AKAP6: variants seen among roughly 807,000 people sequenced by gnomAD.
AKAP6 encodes the protein A-kinase anchoring protein 6.
Under a neutral mutation model 188.5 loss-of-function variants are expected in AKAP6, and 58 were observed. That is an observed-to-expected ratio of 0.31 (90% confidence interval 0.25 to 0.38). The LOEUF is 0.38. AKAP6 is among the 10% of genes least tolerant of loss of function. The probability of loss-of-function intolerance (pLI) is 1.00; values close to 1 mark genes in which losing one functional copy is unlikely to be tolerated. For synonymous variants in AKAP6, 989 were observed against 998.6 expected, an observed-to-expected ratio of 0.99 and a Z score of 0.18; for missense variants, 2,710 against 2,740.0, an observed-to-expected ratio of 0.99 and a Z score of 0.24.
chr14:32,331,022 G>A (rs1056810567), intron 1 of AKAP6, among the ~76,000 whole-genome samples: 5 of 152,028 alleles, frequency 3.3e-5, no homozygotes, highest in Non-Finnish European at 4.4e-5. Context: ...CATCTAAGTC[G>A]AAAGCTCTAA....
intron 2 of AKAP6, among the ~76,000 whole-genome samples, chr14:32,449,062 G>A (rs1269059984): frequency 6.6e-6 from 1 of 152,138 alleles, no homozygotes; most frequent in East Asian, 1.9e-4. Context: ...GAGATTGCAG[G>A]AGAGATCATC....
chr14:32,772,009 G>A (rs4982005), intron 11 of AKAP6, among the ~76,000 whole-genome samples: 82,087 of 151,816 alleles, frequency 0.54, 24,884 homozygotes, highest in Non-Finnish European at 0.67. Context: ...CCCAACAGTC[G>A]TTCTAGAGCA....
chr14:32,747,081 C>T (rs2031941682), intron 11 of AKAP6, among the ~76,000 whole-genome samples: 1 of 152,068 alleles, frequency 6.6e-6, no homozygotes, highest in Non-Finnish European at 1.5e-5. Context: ...CCTAAAACCT[C>T]AGTGCATAAT....
intron 1 of AKAP6, among the ~76,000 whole-genome samples, chr14:32,367,652 A>G (rs1438451188): frequency 6.6e-6 from 1 of 152,206 alleles, no homozygotes; most frequent in Non-Finnish European, 1.5e-5. Context: ...CACCATTAGT[A>G]TCCTGCTTAC....
At chr14:32,679,818 C>G (rs1302994677) in intron 8 of AKAP6, among the ~76,000 whole-genome samples, 2 of 152,192 alleles carry the variant, frequency 1.3e-5, no homozygotes, top group African/African-American at 4.8e-5. Flanking sequence ...GTCAATTCAT[C>G]TTACTTGATT....
chr14:32,787,639 G>A (rs2033462996), intron 12 of AKAP6, among the ~76,000 whole-genome samples: 1 of 152,044 alleles, frequency 6.6e-6, no homozygotes, highest in South Asian at 2.1e-4. Flanking sequence ...TTTTAGTGCT[G>A]CTACATAATC....
intron 13 of AKAP6, among the ~76,000 whole-genome samples, chr14:32,829,239 C>T (rs565227680): frequency 1.3e-5 from 2 of 151,328 alleles, no homozygotes; most frequent in South Asian, 2.1e-4. Context: ...TTCCACAATG[C>T]TGTATGTACC....
At position 32,835,910 on chromosome 14, in the gene AKAP6, A is replaced by C. The variant is rs2034870460; in HGVS notation, c.*6105A>C. Reference sequence around the variant, plus strand: ...AGTTTGAGAGTTGCCACATATTTGCATTTCCAGAGTAAAATAATAGGATGA... The same window carrying C: ...AGTTTGAGAGTTGCCACATATTTGCCTTTCCAGAGTAAAATAATAGGATGA... On this transcript the variant is annotated 3_prime_UTR_variant, in exon 14 of 14. Coordinates refer to ENST00000280979, the MANE Select transcript of AKAP6 (RefSeq NM_004274.5). The C allele has an allele frequency of 6.6e-6, 1 of 152,176 alleles. No homozygotes were observed. Among genetic ancestry groups the C allele is most frequent in the African/African-American group, 2.4e-5 (1 of 41,438 alleles). The allele number at this position is 152,176 out of a possible 1,614,324, so 9.4% of individuals were successfully genotyped here.
chr14:32,390,123 C>T (rs1413711196), intron 1 of AKAP6, among the ~76,000 whole-genome samples: 1 of 152,062 alleles, frequency 6.6e-6, no homozygotes, highest in African/African-American at 2.4e-5. Flanking sequence ...CTTTCTTCCT[C>T]TTGTTCATTT....
At chr14:32,492,739 A>G (rs527651153) in intron 2 of AKAP6, among the ~76,000 whole-genome samples, 2 of 152,292 alleles carry the variant, frequency 1.3e-5, no homozygotes, top group African/African-American at 4.8e-5. Flanking sequence ...GCTATCTAAT[A>G]TAGATAAAAT....
chr14:32,554,258 A>C (rs1387970869), intron 4 of AKAP6, among the ~76,000 whole-genome samples: 2 of 152,238 alleles, frequency 1.3e-5, no homozygotes. Context: ...TGTGGCCTAA[A>C]AAGATTAAAG....
At chr14:32,644,293 T>C (rs2139504571) in intron 7 of AKAP6, among the ~76,000 whole-genome samples, 1 of 152,306 alleles carries the variant, frequency 6.6e-6, no homozygotes, top group South Asian at 2.1e-4. Context: ...CTCCAAATGC[T>C]GTCAGATAAT....
At chr14:32,604,852 C>T (rs754032832) in intron 7 of AKAP6, among the ~76,000 whole-genome samples, 9 of 152,068 alleles carry the variant, frequency 5.9e-5, no homozygotes, top group Admixed American at 1.3e-4. Context: ...GGTACATGTG[C>T]GGGATGTGCA....
chr14:32,471,267 G>A (rs1205575027), intron 2 of AKAP6, among the ~76,000 whole-genome samples: 1 of 152,148 alleles, frequency 6.6e-6, no homozygotes, highest in Non-Finnish European at 1.5e-5. Context: ...TACTGCCAAA[G>A]TTAGCACTAA....
At chr14:32,409,873 C>T (rs1252304588) in intron 1 of AKAP6, among the ~76,000 whole-genome samples, 1 of 152,128 alleles carries the variant, frequency 6.6e-6, no homozygotes, top group Admixed American at 6.6e-5. Flanking sequence ...GAGGACTAAA[C>T]TCTGGCCTTT....
At chr14:32,334,171 C>T (rs1020661736) in intron 1 of AKAP6, among the ~76,000 whole-genome samples, 17 of 152,278 alleles carry the variant, frequency 1.1e-4, no homozygotes, top group African/African-American at 4.1e-4. Flanking sequence ...ACAGTAGCCC[C>T]TTCCGCGCCC....
chr14:32,668,153 C>A (rs1358959782), intron 7 of AKAP6, among the ~76,000 whole-genome samples: 1 of 152,050 alleles, frequency 6.6e-6, no homozygotes, highest in Non-Finnish European at 1.5e-5. Context: ...GGAGTGACAT[C>A]AAAAATTCTA....
intron 7 of AKAP6, among the ~76,000 whole-genome samples, chr14:32,642,533 A>G (rs1314285796): frequency 6.6e-6 from 1 of 152,196 alleles, no homozygotes; most frequent in Non-Finnish European, 1.5e-5. Context: ...TATTTTTTAC[A>G]TAGAGGGAAA....
rs141275227 is a variant in AKAP6, at chr14:32,830,920, C to T, written c.*1115C>T. The T allele has an allele frequency of 2.0e-4, 30 of 152,318 alleles. No individual in the cohort carries two copies. Among genetic ancestry groups the T allele is most frequent in the African/African-American group, 6.7e-4 (28 of 41,558 alleles). 9.4% of individuals were successfully genotyped at this position (152,318 alleles called of 1,614,324 possible). A position where few individuals can be genotyped will look rare whatever the true frequency, so the allele number is the denominator to read the frequency against. On this transcript the variant is annotated 3_prime_UTR_variant, in exon 14 of 14. Coordinates refer to ENST00000280979, the MANE Select transcript of AKAP6 (RefSeq NM_004274.5). Reference sequence around the variant, plus strand: ...AAACATATTCATATTGCTTAAGAGGCTTAACATTACCTAAACTAGAGACTA... The same window carrying T: ...AAACATATTCATATTGCTTAAGAGGTTTAACATTACCTAAACTAGAGACTA...
Sources: gnomAD v4.1 joint callset for allele counts (sites outside exome capture counted in the v4.1 genomes callset) on GRCh38, gnomAD v4.1.1 for gene constraint, MANE v1.5 for transcripts, NCBI Gene and HGNC (gene_info 2026-07-23, HGNC 2026-07-21) for gene names.